AHNAK2: variants seen among roughly 807,000 people sequenced by gnomAD.
AHNAK2 encodes protein AHNAK2.
Under a neutral mutation model 30.7 loss-of-function variants are expected in AHNAK2, and 18 were observed. That is an observed-to-expected ratio of 0.59 (90% CI 0.41 to 0.87). The LOEUF (loss-of-function observed/expected upper bound fraction) is 0.87. AHNAK2 is among the 40% of genes least tolerant of loss of function. AHNAK2 has a pLI of 0.00. For missense variants in AHNAK2, 8,604 were observed against 7,373.0 expected (o/e 1.17, Z -6.11); for synonymous variants, 3,590 against 3,073.8 (o/e 1.17, Z -5.56).
At position 104,944,710 on chromosome 14, in the gene AHNAK2, G is replaced by C. The variant is rs199597527; in HGVS notation, c.10741C>G (p.Pro3581Ala). ...TTGGGGCCTTTCAGGTCCAGCTTGG[G>C]GCCCTTAACATCTATCTGGGGGCCC... Reference protein sequence around the residue: ...LKGPQIDVKGPKLDLKGPKAE... With the variant: ...LKGPQIDVKGAKLDLKGPKAE... Residue 3581 changes from proline to alanine, a missense_variant, in exon 7 of 7, where the codon CCC (proline) becomes GCC (alanine). By Grantham distance (27) the Pro-to-Ala change is conservative (BLOSUM62 -1). Transcript: ENST00000333244. 9.9e-6 allele frequency: 16 copies of C among 1,612,396 alleles called. No homozygotes were observed. In the East Asian group the frequency reaches 1.8e-4, roughly 18 times the overall value.
Position 104,939,978 on chromosome 14 carries a change from G to T in AHNAK2, c.15473C>A (p.Pro5158His). 9.9e-6 allele frequency: 16 copies of T among 1,612,076 alleles called. No individual in the cohort carries two copies. Among genetic ancestry groups the T allele is most frequent in the Non-Finnish European group, 1.4e-5 (16 of 1,179,900 alleles). ...GEGIAPTPED[P>H]LQPSCRKPDA... is the part of the protein sequence containing the mutation. The stretch of plus-strand genomic sequence containing the variant: ...TGGTTTTCTACAGGATGGCTGGAGG[G>T]GATCTTCAGGTGTGGGGGCTATCCC... Residue 5158 changes from proline to histidine, a missense_variant, in exon 7 of 7, where the codon CCC becomes CAC. By Grantham distance (77) the Pro-to-His change is moderately conservative (BLOSUM62 -2). Transcript: ENST00000333244.
In AHNAK2 at chr14:104,947,381, G is replaced by C; in HGVS notation, c.8070C>G (p.Asp2690Glu). 6.2e-7 allele frequency: 1 copy of C among 1,611,030 alleles called. No homozygotes were observed. Among genetic ancestry groups the C allele is most frequent in the Non-Finnish European group, 8.5e-7 (1 of 1,179,088 alleles). The change falls in exon 7 of 7, where the codon GAC becomes GAG. Residue 2690 changes from aspartate to glutamate, a missense_variant. Coordinates refer to ENST00000333244, the MANE Select transcript of AHNAK2 (RefSeq NM_138420.4). ...GAATGCTGATGTCAGTGGTCTTAAG[G>C]TCCCCTTGCATGGAGGGGAGGCTCA... ...ADMSLPSMQG[D>E]LKTTDISIQP... is the part of the protein sequence containing the mutation.
In AHNAK2 at chr14:104,949,610, G is replaced by A. The variant is rs780819069; in HGVS notation, c.5841C>T (p.Val1947=). 2.2e-5 allele frequency: 35 copies of A among 1,584,712 alleles called. 1 individual carries two copies. Among genetic ancestry groups the A allele is most frequent in the African/African-American group, 5.5e-5 (4 of 72,558 alleles). The change falls in exon 7 of 7, where the codon GTC becomes GTT. Residue 1947 remains valine, a synonymous_variant. Transcript: ENST00000333244. The part of the protein sequence containing the change: ...GPKAEVTAPD[V]EVSLPSMEVD... ...CCTCCATGCTGGGCAGAGACACCTC[G>A]ACATCGGGGGCTGTCACTTCCGCCT...
rs180896416 is a variant in AHNAK2, at chr14:104,950,501, C to G, written c.4950G>C (p.Ala1650=). The G allele has an allele frequency of 4.3e-4, 678 of 1,582,252 alleles. 85 individuals carry two copies. The highest frequency in any genetic ancestry group is 7.4e-4 in the Admixed American group (42 of 57,004). The change falls in exon 7 of 7, where the codon GCG becomes GCC. Residue 1650 remains alanine (A), a synonymous_variant. Transcript: ENST00000333244. ...LEGDLSLADK[A]VTAKDSKFKM... is the part of the protein sequence containing the mutation. ...TGAACTTGCTGTCTTTGGCAGTCACCGCCTTGTCGGCCAGGGACAGGTCCC... is the reference window on the plus strand; with the variant it reads ...TGAACTTGCTGTCTTTGGCAGTCACGGCCTTGTCGGCCAGGGACAGGTCCC...
rs763209432 is a variant in AHNAK2 at position 104,939,258 on chromosome 14, G to A, written c.16193C>T (p.Ala5398Val). ...KLMVPRFSFPAPSSEDDVFIP... is the reference protein window; with the variant it reads ...KLMVPRFSFPVPSSEDDVFIP... ...GAACACATCATCCTCTGAGCTGGGG[G>A]CAGGGAAGGAGAACCTTGGTACCAT... The change falls in exon 7 of 7, where the codon GCC becomes GTC. Residue 5398 changes from alanine (A) to valine (V), a missense_variant. Transcript: ENST00000333244. 8 of 1,613,810 alleles carry A rather than the reference G, an allele frequency of 5.0e-6. No homozygotes were observed.
Position 104,950,250 on chromosome 14 carries a change from C to G in AHNAK2, c.5201G>C (p.Gly1734Ala), listed in dbSNP as rs1204288052. ...VKLPEGPLPE[G>A]AGFKGHLPKV... ...GGGGAGGTGCCCTTTGAAGCCGGCTCCCTCGGGAAGGGGGCCCTCCGGGAG... is the reference window on the plus strand; with the variant it reads ...GGGGAGGTGCCCTTTGAAGCCGGCTGCCTCGGGAAGGGGGCCCTCCGGGAG... Residue 1734 changes from glycine to alanine, a missense_variant, in exon 7 of 7, where the codon GGA becomes GCA. Gly to Ala is a moderately conservative substitution (Grantham distance 60). Transcript: ENST00000333244. 1.3e-6 allele frequency: 2 copies of G among 1,585,582 alleles called. 1 individual carries two copies. Among genetic ancestry groups the G allele is most frequent in the African/African-American group, 2.8e-5 (2 of 71,872 alleles).
At position 104,938,659 on chromosome 14, in the gene AHNAK2, G is replaced by A. The variant is rs1486017164; in HGVS notation, c.16792C>T (p.Gln5598Ter). The change falls in exon 7 of 7, where the codon CAG becomes TAG. Residue 5598 changes from glutamine (Q) to a stop codon, truncating the protein, a stop_gained. Coordinates refer to ENST00000333244, the MANE Select transcript of AHNAK2 (RefSeq NM_138420.4). LOFTEE classifies it low-confidence loss of function (END_TRUNC). Reference protein sequence around the residue: ...TLTFEVPSGHQLADSCSDEEP... With the variant: ...TLTFEVPSGH ...TCATCTGAACAGCTGTCTGCAAGCT[G>A]GTGGCCAGAAGGAACTTCAAATGTG... The A allele has an allele frequency of 6.2e-7, 1 of 1,612,376 alleles. No individual in the cohort carries two copies. The highest frequency in any genetic ancestry group is 8.5e-7 in the Non-Finnish European group (1 of 1,179,154).
rs375921678 is a variant in AHNAK2 at position 104,944,082 on chromosome 14, G to A, written c.11369C>T (p.Ser3790Phe). Residue 3790 changes from serine (S) to phenylalanine (F), a missense_variant, in exon 7 of 7, where the codon TCC becomes TTC. By Grantham distance (155) the Ser-to-Phe change is radical. Coordinates refer to ENST00000333244, the MANE Select transcript of AHNAK2 (RefSeq NM_138420.4). ...LDSAQLEGDL[S>F]LADKDVTAKD... ...GGCAGTCACATCCTTGTCGGCCAGG[G>A]ACAGGTCCCCCTCCAGCTGTGCACT... 131 of 1,613,284 alleles carry A rather than the reference G, an allele frequency of 8.1e-5. No individual in the cohort carries two copies. The highest frequency in any genetic ancestry group is 1.1e-4 in the Non-Finnish European group (124 of 1,179,698).
Position 104,950,915 on chromosome 14 carries a change from G to C in AHNAK2, c.4536C>G (p.Ile1512Met), listed in dbSNP as rs181822513. Residue 1512 changes from isoleucine (I) to methionine (M), a missense_variant, in exon 7 of 7, where the codon ATC (isoleucine) becomes ATG (methionine). By Grantham distance (10) the Ile-to-Met change is conservative. Transcript: ENST00000333244. ...SFGVSAPGKS[I>M]EASVDVSAPK... ...GCGCAGACACATCCACTGAGGCCTCGATGGACTTGCCTGGGGCAGACACCC... is the reference window on the plus strand; with the variant it reads ...GCGCAGACACATCCACTGAGGCCTCCATGGACTTGCCTGGGGCAGACACCC... 2,045 of 1,553,028 alleles carry C rather than the reference G, an allele frequency of 1.3e-3. 169 individuals are homozygous for C. The African/African-American group carries it at 0.018, about 14-fold the overall frequency.
Position 104,941,753 on chromosome 14 carries a change from C to A in AHNAK2, c.13698G>T (p.Val4566=). ...MPKVDLKGPQ[V]DVKGPKLDLK... ...GGTCCAGCTTGGGGCCCTTGACGTCCACCTGGGGGCCCTTGAGGTCCACTT... is the reference window on the plus strand; with the variant it reads ...GGTCCAGCTTGGGGCCCTTGACGTCAACCTGGGGGCCCTTGAGGTCCACTT... Residue 4566 remains valine, a synonymous_variant, in exon 7 of 7, where the codon GTG becomes GTT. Transcript: ENST00000333244. The A allele has an allele frequency of 6.2e-7, 1 of 1,612,864 alleles. No individual in the cohort carries two copies. Among genetic ancestry groups the A allele is most frequent in the Non-Finnish European group, 8.5e-7 (1 of 1,179,548 alleles).
chr14:104,973,138 T>C (rs988098647), intron 1 of AHNAK2, among the ~76,000 whole-genome samples: 4 of 152,144 alleles, frequency 2.6e-5, no homozygotes, highest in Non-Finnish European at 5.9e-5. Context: ...TCTGATCAGC[T>C]GGAGGGACGG....
In AHNAK2 at chr14:104,943,615, C is replaced by T; in HGVS notation, c.11836G>A (p.Asp3946Asn). Reference sequence around the variant, plus strand: ...AGGTCCCCCTCCAGCCGCGCACCATCCAGCTTGGCTCCTGGGGCCTCGACG... The same window carrying T: ...AGGTCCCCCTCCAGCCGCGCACCATTCAGCTTGGCTCCTGGGGCCTCGACG... The part of the protein sequence containing the change: ...VDVEAPGAKL[D>N]GARLEGDLSL... The change falls in exon 7 of 7, where the codon GAT becomes AAT. Residue 3946 changes from aspartate to asparagine, a missense_variant. Asp to Asn is a conservative substitution (Grantham distance 23). Transcript: ENST00000333244. The T allele has an allele frequency of 1.2e-6, 2 of 1,613,396 alleles. No homozygotes were observed. Among genetic ancestry groups the T allele is most frequent in the Non-Finnish European group, 1.7e-6 (2 of 1,179,702 alleles).
In AHNAK2 at chr14:104,957,462, C is replaced by T. The variant is rs1239673478; in HGVS notation, c.161G>A (p.Gly54Glu). ...CGTGTATTCGTAGACAGGTGAAGAC[C>T]CCTGCGGCCGTGGTCGAATGCCCTC... is the stretch of plus-strand genomic sequence containing the variant. Reference protein sequence around the residue: ...ADEGIRPRPQGSSPVYEYTTE... With the variant: ...ADEGIRPRPQESSPVYEYTTE... The change falls in exon 3 of 7, where the codon GGG (glycine) becomes GAG (glutamate). Residue 54 changes from glycine to glutamate, a missense_variant. Coordinates refer to ENST00000333244, the MANE Select transcript of AHNAK2 (RefSeq NM_138420.4). 2 of 1,602,228 alleles carry T rather than the reference C, an allele frequency of 1.2e-6. No individual in the cohort carries two copies. Among genetic ancestry groups the T allele is most frequent in the East Asian group, 4.5e-5 (2 of 44,522 alleles).
rs1384086750 is a variant in AHNAK2 at position 104,951,438 on chromosome 14, A to T, written c.4013T>A (p.Phe1338Tyr). Residue 1338 changes from phenylalanine to tyrosine, a missense_variant, in exon 7 of 7, where the codon TTC becomes TAC. By Grantham distance (22) the Phe-to-Tyr change is conservative. Transcript: ENST00000333244. ...FKMPKFKMPS[F>Y]GVSAPGKSIE... ...GGACTTGCCTGGGGCAGACACCCCG[A>T]ACGACGGCATCTTGAACTTGGGCAT... is the stretch of plus-strand genomic sequence containing the variant. 5 of 1,240,002 alleles carry T rather than the reference A, an allele frequency of 4.0e-6. 1 individual carries two copies. The highest frequency in any genetic ancestry group is 1.9e-5 in the Admixed American group (1 of 52,712). 76.8% of individuals were successfully genotyped at this position (1,240,002 alleles called of 1,614,324 possible).
At chr14:104,964,763 G>A (rs761762729) in intron 1 of AHNAK2, among the ~76,000 whole-genome samples, 3 of 152,232 alleles carry the variant, frequency 2.0e-5, no homozygotes, top group Non-Finnish European at 2.9e-5. Flanking sequence ...TAGGGCTGAA[G>A]TCACCAGGGG....
rs1278105314 is a variant in AHNAK2 at position 104,953,838 on chromosome 14, A to G, written c.1613T>C (p.Met538Thr). 5.6e-6 allele frequency: 9 copies of G among 1,613,650 alleles called. No homozygotes were observed. The highest frequency in any genetic ancestry group is 7.6e-6 in the Non-Finnish European group (9 of 1,179,882). The change falls in exon 7 of 7, where the codon ATG (methionine) becomes ACG (threonine). Residue 538 changes from methionine (M) to threonine (T), a missense_variant. Physicochemically the swap from Met to Thr is moderately conservative, Grantham distance 81. Transcript: ENST00000333244. ...KGEEVEGAGWMPGREPTTHAE... is the reference protein window; with the variant it reads ...KGEEVEGAGWTPGREPTTHAE... The stretch of plus-strand genomic sequence containing the variant: ...ATGTGTGGTTGGTTCCCTGCCCGGC[A>G]TCCACCCGGCTCCTTCCACCTCCTC...
chr14:104,942,038 T>A lies in AHNAK2; in HGVS notation c.13413A>T (p.Pro4471=). 1 of 1,610,032 alleles carries A rather than the reference T, an allele frequency of 6.2e-7. No homozygotes were observed. Among genetic ancestry groups the A allele is most frequent in the Non-Finnish European group, 8.5e-7 (1 of 1,178,550 alleles). Residue 4471 remains proline (P), a synonymous_variant, in exon 7 of 7, where the codon CCA becomes CCT. Coordinates refer to ENST00000333244, the MANE Select transcript of AHNAK2 (RefSeq NM_138420.4). ...TGCCTGGGGACAACATCCCAAAGGA[T>A]GGCATCTTGAACTTGGGCATTTTGA... The part of the protein sequence containing the change: ...SKFKMPKFKM[P]SFGMLSPGKS...
Position 104,952,313 on chromosome 14 carries a change from G to C in AHNAK2, c.3138C>G (p.Leu1046=), listed in dbSNP as rs780324401. 6.2e-7 allele frequency: 1 copy of C among 1,611,876 alleles called. No homozygotes were observed. The highest frequency in any genetic ancestry group is 8.5e-7 in the Non-Finnish European group (1 of 1,179,226). The change falls in exon 7 of 7, where the codon CTC becomes CTG. Residue 1046 remains leucine (L), a synonymous_variant. Coordinates refer to ENST00000333244, the MANE Select transcript of AHNAK2 (RefSeq NM_138420.4). ...SMQGDLKTTD[L]SIQPASTDLK... ...GGTCAGTAGAAGCAGGCTGAATGCT[G>C]AGGTCAGTGGTCTTCAGGTCCCCCT...
chr14:104,960,215 A>G (rs2140873988), intron 1 of AHNAK2, among the ~76,000 whole-genome samples: 1 of 152,278 alleles, frequency 6.6e-6, no homozygotes, highest in East Asian at 1.9e-4. Flanking sequence ...TAATAGCAAA[A>G]AGGAGTAGGA....
Sources: gnomAD v4.1 joint callset for allele counts (sites outside exome capture counted in the v4.1 genomes callset) on GRCh38, gnomAD v4.1.1 for gene constraint, MANE v1.5 for transcripts, NCBI Gene and HGNC (gene_info 2026-07-23, HGNC 2026-07-21) for gene names.